The following SLC44A1 variants were observed in gnomAD, a reference collection of about 807,000 sequenced individuals.
The protein encoded by SLC44A1 is choline transporter-like protein 1.
A neutral mutation model predicts 79.3 loss-of-function variants in SLC44A1; 26 were observed. The observed-to-expected ratio is 0.33, with a 90% CI of 0.24 to 0.46. The LOEUF is 0.46. Ranked by LOEUF, SLC44A1 falls within the 20% of genes least tolerant of loss-of-function variation. The pLI is 1.00. For synonymous variants in SLC44A1, 263 were observed against 286.2 expected (o/e 0.92, Z 0.82); for missense variants, 688 against 798.1 (o/e 0.86, Z 1.66).
intron 2 of SLC44A1, among the ~76,000 whole-genome samples, chr9:105,309,200 T>G (rs566324394): frequency 1.1e-4 from 17 of 152,304 alleles, no homozygotes; most frequent in African/African-American, 3.8e-4. Context: ...TTCTTTGAAT[T>G]TTTTTCTTTC....
chr9:105,273,857 C>T (rs1830135054), intron 1 of SLC44A1, among the ~76,000 whole-genome samples: 1 of 152,054 alleles, frequency 6.6e-6, no homozygotes, highest in African/African-American at 2.4e-5. Flanking sequence ...TCTACTTTCC[C>T]TGGCTGTGAT....
rs113544435 is a variant in SLC44A1 at position 105,309,586 on chromosome 9, G to A, written c.127-138G>A. The A allele has an allele frequency of 8.6e-3, 6,035 of 701,884 alleles. 71 individuals carry two copies. Among genetic ancestry groups the A allele is most frequent in the African/African-American group, 0.039 (2,187 of 55,922 alleles). 43.5% of individuals were successfully genotyped at this position (701,884 alleles called of 1,614,324 possible). ...GTTTATGTGCAATCCAAGGAAAACAGTGGAATAGTGTTTGCAGTAAGAAAA... is the reference window on the plus strand; with the variant it reads ...GTTTATGTGCAATCCAAGGAAAACAATGGAATAGTGTTTGCAGTAAGAAAA... On this transcript the variant is annotated intron_variant, in intron 2 of 15. Coordinates refer to ENST00000374720, the MANE Select transcript of SLC44A1 (RefSeq NM_080546.5).
intron 15 of SLC44A1, among the ~76,000 whole-genome samples, chr9:105,415,918 T>C (rs1829164347): frequency 1.4e-5 from 2 of 144,090 alleles, no homozygotes. Context: ...TTTTTTTTTT[T>C]TGAGATAGTA....
intron 12 of SLC44A1, among the ~76,000 whole-genome samples, chr9:105,367,007 C>T (rs1432401299): frequency 6.6e-6 from 1 of 151,536 alleles, no homozygotes; most frequent in Non-Finnish European, 1.5e-5. Context: ...AAAGGAAGTA[C>T]TACTTAATAA....
chr9:105,398,899 A>C (rs952772299), downstream of SLC44A1, among the ~76,000 whole-genome samples: 1 of 152,226 alleles, frequency 6.6e-6, no homozygotes, highest in Non-Finnish European at 1.5e-5. Context: ...TGGGCCGCAC[A>C]TAAAATACGC....
chr9:105,394,142 C>G lies in SLC44A1; in HGVS notation c.*5086C>G, dbSNP rs563566143. The G allele has an allele frequency of 3.8e-4, 376 of 985,334 alleles. No individual in the cohort carries two copies. Among genetic ancestry groups the G allele is most frequent in the South Asian group, 5.6e-4 (12 of 21,276 alleles). 61.0% of individuals were successfully genotyped at this position (985,334 alleles called of 1,614,324 possible). On this transcript the variant is annotated 3_prime_UTR_variant, in exon 16 of 16. Transcript: ENST00000374720. ...ACGGCCAGCTTCCACCCCTGTACCCCCTCAGGGGCTAATGAACCCAAGTCA... is the reference window on the plus strand; with the variant it reads ...ACGGCCAGCTTCCACCCCTGTACCCGCTCAGGGGCTAATGAACCCAAGTCA...
At chr9:105,319,311 TA>T (rs1480554396) in intron 3 of SLC44A1, among the ~76,000 whole-genome samples, 1 of 152,136 alleles carries the variant, frequency 6.6e-6, no homozygotes, top group Non-Finnish European at 1.5e-5. Context: ...TAGGAAAGGA[TA>T]TAGAGTAAAA....
In SLC44A1 at chr9:105,394,748, A is replaced by AT; in HGVS notation, c.*5695dup. The AT allele has an allele frequency of 1.0e-6, 1 of 985,432 alleles. No individual in the cohort carries two copies. The highest frequency in any genetic ancestry group is 1.2e-6 in the Non-Finnish European group (1 of 829,934). The allele number at this position is 985,432 out of a possible 1,614,324, so 61.0% of individuals were successfully genotyped here. On this transcript the variant is annotated 3_prime_UTR_variant, in exon 16 of 16. Coordinates refer to ENST00000374720, the MANE Select transcript of SLC44A1 (RefSeq NM_080546.5). ...GTAGTCCATAGTTGGCAAAAAATAA[A>AT]TTTGGTAGAAAGTTGGAGGAGCAGA...
intron 13 of SLC44A1, among the ~76,000 whole-genome samples, chr9:105,378,887 T>C (rs998564629): frequency 8.5e-5 from 13 of 152,248 alleles, no homozygotes. Flanking sequence ...CAGAAATGAA[T>C]TGTTCATATA....
chr9:105,323,632 A>G lies in SLC44A1; in HGVS notation c.270-11931A>G, dbSNP rs537601539. On this transcript the variant is annotated intron_variant, in intron 3 of 15. Transcript: ENST00000374720. ...AAACAAGCTTCAAAGTTACTTAATC[A>G]AGGCTTCGTCCCTTTTTAACCTAGA... is the stretch of plus-strand genomic sequence containing the variant. 2.6e-5 allele frequency among the ~76,000 whole-genome samples: 4 copies of G among 152,322 alleles called. No homozygotes were observed. The South Asian group carries it at 8.3e-4, about 32-fold the overall frequency.
Position 105,348,464 on chromosome 9 carries a change from G to A in SLC44A1, c.500+13G>A. 1.3e-6 allele frequency: 2 copies of A among 1,492,112 alleles called. No individual in the cohort carries two copies. Among genetic ancestry groups the A allele is most frequent in the Non-Finnish European group, 1.9e-6 (2 of 1,069,520 alleles). 92.4% of individuals were successfully genotyped at this position (1,492,112 alleles called of 1,614,324 possible). A position where few individuals can be genotyped will look rare whatever the true frequency, so the allele number is the denominator to read the frequency against. ...CAGTTCCAGCGAGGTAAATTTTATT[G>A]CAAAGTTGTTAACTTGTGACTGTTG... On this transcript the variant is annotated intron_variant, in intron 5 of 15. Transcript: ENST00000374720.
At chr9:105,292,531 A>G (rs930624662) in intron 1 of SLC44A1, among the ~76,000 whole-genome samples, 1 of 152,168 alleles carries the variant, frequency 6.6e-6, no homozygotes, top group Non-Finnish European at 1.5e-5. Context: ...CTTATTTAGC[A>G]GTCAATATTT....
intron 1 of SLC44A1, among the ~76,000 whole-genome samples, chr9:105,278,872 C>T (rs1830279184): frequency 6.6e-6 from 1 of 152,100 alleles, no homozygotes; most frequent in South Asian, 2.1e-4. Context: ...CATGAGAAAA[C>T]TTGTCTATGC....
At chr9:105,372,934 A>G (rs1393084098) in intron 12 of SLC44A1, among the ~76,000 whole-genome samples, 2 of 147,074 alleles carry the variant, frequency 1.4e-5, no homozygotes, top group East Asian at 2.0e-4. Flanking sequence ...TGGGCGACAG[A>G]GCGAGACTCC....
intron 7 of SLC44A1, 115 bp downstream of exon 7, chr9:105,358,548 C>CAGAACAGATGAGAACAGTAAGACCAAACA: frequency 1.5e-6 from 1 of 665,996 alleles, no homozygotes; most frequent in Non-Finnish European, 2.6e-6. Flanking sequence ...TCAAGGAAGA[C>CAGAACAGATGAGAACAGTAAGACCAAACA]TGTTAATTTT....
At chr9:105,271,964 G>A (rs1282056785) in intron 1 of SLC44A1, among the ~76,000 whole-genome samples, 1 of 152,068 alleles carries the variant, frequency 6.6e-6, no homozygotes. Flanking sequence ...CTGTACTTTG[G>A]TCTCATAATA....
At chr9:105,319,918 A>G (rs1406322985) in intron 3 of SLC44A1, among the ~76,000 whole-genome samples, 1 of 152,228 alleles carries the variant, frequency 6.6e-6, no homozygotes, top group Non-Finnish European at 1.5e-5. Flanking sequence ...ATTCAAGTGT[A>G]GTTTGAATTT....
intron 3 of SLC44A1, among the ~76,000 whole-genome samples, chr9:105,332,025 C>T (rs1407638594): frequency 6.6e-6 from 1 of 151,520 alleles, no homozygotes; most frequent in African/African-American, 2.4e-5. Context: ...AGGTCAAGGT[C>T]TGTATGTTAT....
intron 4 of SLC44A1, among the ~76,000 whole-genome samples, chr9:105,336,586 G>C (rs1826929181): frequency 6.6e-6 from 1 of 152,128 alleles, no homozygotes; most frequent in African/African-American, 2.4e-5. Flanking sequence ...GAGCTGCCTT[G>C]ATCCTGCCCA....
Sources: allele counts gnomAD v4.1 joint callset (sites outside exome capture counted in the v4.1 genomes callset), GRCh38; gene constraint gnomAD v4.1.1; transcripts MANE v1.5; gene names NCBI Gene and HGNC (gene_info 2026-07-23, HGNC 2026-07-21).